Variants in FKBP1A observed in about 807,000 individuals in gnomAD.
The protein encoded by FKBP1A is FKBP prolyl isomerase 1A, also known as peptidyl-prolyl cis-trans isomerase FKBP1A.
A neutral mutation model predicts 14.2 loss-of-function variants in FKBP1A; 5 were observed. That is an observed-to-expected ratio of 0.35 (90% CI 0.18 to 0.74). The LOEUF (loss-of-function observed/expected upper bound fraction) is 0.74. FKBP1A is among the 30% of genes least tolerant of loss of function. The pLI is 0.56. For missense variants in FKBP1A, 53 were observed against 138.8 expected, an observed-to-expected ratio of 0.38 and a Z score of 3.10; for synonymous variants, 42 against 49.1, an observed-to-expected ratio of 0.86 and a Z score of 0.60.
chr20:1,380,892 A>C lies in FKBP1A; in HGVS notation c.86-5289T>G, dbSNP rs531544078. Among the ~76,000 whole-genome samples the C allele has an allele frequency of 1.5e-3, 230 of 152,348 alleles. 2 individuals carry two copies. Among genetic ancestry groups the C allele is most frequent in the African/African-American group, 5.2e-3 (218 of 41,574 alleles). On this transcript the variant is annotated intron_variant, in intron 2 of 4. Transcript: ENST00000400137. ...CTACAATGTCTGAGATGAAAATTAC[A>C]TTGGGCTGAAATGACAAAATATCCA... is the stretch of plus-strand genomic sequence containing the variant.
chr20:1,370,801 C>G (rs560971035), intron 4 of FKBP1A: 15 of 985,320 alleles, frequency 1.5e-5, no homozygotes, highest in Non-Finnish European at 1.6e-5. Flanking sequence ...AAGGCTCCCT[C>G]GAGTACAGTT....
rs539929288 is a variant in FKBP1A at position 1,386,866 on chromosome 20, C to A, written c.85+5968G>T. Among the ~76,000 whole-genome samples, 93 of 152,036 alleles carry A rather than the reference C, an allele frequency of 6.1e-4. No homozygotes were observed. Among genetic ancestry groups the A allele is most frequent in the Admixed American group, 1.9e-3 (29 of 15,270 alleles). On this transcript the variant is annotated intron_variant, in intron 2 of 4. Transcript: ENST00000400137. The surrounding 1 kb of genome is among the most constrained non-coding windows in gnomAD (Gnocchi z 4.7). ...TACACCTGGTCAAAATCAAAGGGGTCCAGGGGAGGGAATGCAGAGACTTGG... is the reference window on the plus strand; with the variant it reads ...TACACCTGGTCAAAATCAAAGGGGTACAGGGGAGGGAATGCAGAGACTTGG...
At chr20:1,374,102 C>A (rs1047699676) in intron 3 of FKBP1A, among the ~76,000 whole-genome samples, 1 of 152,216 alleles carries the variant, frequency 6.6e-6, no homozygotes, top group Non-Finnish European at 1.5e-5. Context: ...GGTTAAATTT[C>A]TAATTCTCCT....
At chr20:1,390,748 G>A (rs1436255186) in intron 2 of FKBP1A, among the ~76,000 whole-genome samples, 2 of 152,156 alleles carry the variant, frequency 1.3e-5, no homozygotes, top group African/African-American at 4.8e-5. Context: ...TGGTGACAAA[G>A]ACCCACGGGA....
intron 2 of FKBP1A, among the ~76,000 whole-genome samples, chr20:1,376,117 G>T (rs1044067782): frequency 6.6e-6 from 1 of 152,018 alleles, no homozygotes; most frequent in African/African-American, 2.4e-5. Flanking sequence ...ACCCCCATGG[G>T]CTCCTCTGTG....
chr20:1,374,779 A>C (rs917503382), intron 3 of FKBP1A: 2 of 152,468 alleles, frequency 1.3e-5, no homozygotes, highest in Admixed American at 1.3e-4. Context: ...TAGCCAAGTA[A>C]ATTATAGCAC....
chr20:1,372,744 A>G (rs2089485482), intron 3 of FKBP1A, among the ~76,000 whole-genome samples: 1 of 152,196 alleles, frequency 6.6e-6, no homozygotes, highest in Non-Finnish European at 1.5e-5. Flanking sequence ...GAAAACTTCA[A>G]AAAAGACAAT....
intron 2 of FKBP1A, among the ~76,000 whole-genome samples, chr20:1,384,977 T>G (rs763031024): frequency 6.6e-6 from 1 of 152,150 alleles, no homozygotes; most frequent in Non-Finnish European, 1.5e-5. Flanking sequence ...CCAACGGCAA[T>G]AAAAAGAACA....
intron 3 of FKBP1A, among the ~76,000 whole-genome samples, chr20:1,372,442 C>G (rs1481280157): frequency 6.6e-6 from 1 of 152,216 alleles, no homozygotes; most frequent in Non-Finnish European, 1.5e-5. Context: ...CATCTCACTC[C>G]AAGAAGCCCA....
At chr20:1,392,767 G>C (rs2089755583) in intron 2 of FKBP1A, 67 bp downstream of exon 2, 3 of 1,294,720 alleles carry the variant, frequency 2.3e-6, no homozygotes, top group Non-Finnish European at 3.0e-6. Flanking sequence ...CCCAGGCCTC[G>C]ACGGCCAGCC....
At chr20:1,370,149 T>C (rs1248848488) in intron 4 of FKBP1A, 77 bp from the exon 5 acceptor site, 1 of 1,520,786 alleles carries the variant, frequency 6.6e-7, no homozygotes. Flanking sequence ...CACGATGCCA[T>C]CTGCCACGCC....
intron 4 of FKBP1A, chr20:1,370,636 G>A (rs2089451477): frequency 1.0e-6 from 1 of 985,396 alleles, no homozygotes; most frequent in Non-Finnish European, 1.2e-6. Flanking sequence ...TTTGCCCTTG[G>A]ATTTTCCTTC....
At chr20:1,370,551 G>A (rs1254143308) in intron 4 of FKBP1A, 1 of 985,160 alleles carries the variant, frequency 1.0e-6, no homozygotes, top group African/African-American at 1.7e-5. Context: ...GAATAAACTG[G>A]TCATTCATAA....
rs183005812 is a variant in FKBP1A at position 1,369,756 on chromosome 20, T to C, written c.*353A>G. ...CCAACACCAATTCCTATTCTAATGT[T>C]AACCTACCACTTGTGCTGTTAATAC... On this transcript the variant is annotated 3_prime_UTR_variant, in exon 5 of 5. Coordinates refer to ENST00000400137, the MANE Select transcript of FKBP1A (RefSeq NM_000801.5). The C allele has an allele frequency of 2.6e-3, 716 of 272,808 alleles. 3 individuals are homozygous for C. The highest frequency in any genetic ancestry group is 0.014 in the African/African-American group (657 of 45,544). 16.9% of individuals were successfully genotyped at this position (272,808 alleles called of 1,614,324 possible). A position where few individuals can be genotyped will look rare whatever the true frequency, so the allele number is the denominator to read the frequency against.
At chr20:1,382,332 C>G (rs965189577) in intron 2 of FKBP1A, among the ~76,000 whole-genome samples, 3 of 152,212 alleles carry the variant, frequency 2.0e-5, no homozygotes, top group African/African-American at 7.2e-5. Flanking sequence ...AGCTGACAGT[C>G]TTTAAGCTCT....
intron 2 of FKBP1A, chr20:1,376,855 G>A (rs1438790665): frequency 3.9e-5 from 6 of 152,128 alleles, no homozygotes; most frequent in Admixed American, 3.9e-4. Flanking sequence ...GAACTCCAGA[G>A]ACGCTATGAG....
At chr20:1,380,625 C>T (rs895764198) in intron 2 of FKBP1A, among the ~76,000 whole-genome samples, 6 of 152,168 alleles carry the variant, frequency 3.9e-5, no homozygotes, top group East Asian at 1.9e-4. Flanking sequence ...AAACTGTTTC[C>T]GGGTAACTTA....
chr20:1,375,639 T>G (rs1479319544), intron 2 of FKBP1A, 36 bp from the exon 3 acceptor site: 2 of 1,430,514 alleles, frequency 1.4e-6, no homozygotes, highest in African/African-American at 1.4e-5. Flanking sequence ...AGCAGCAGAG[T>G]AATGACACAA....
intron 2 of FKBP1A, among the ~76,000 whole-genome samples, chr20:1,388,476 A>T (rs2089693386): frequency 6.6e-6 from 1 of 152,236 alleles, no homozygotes; most frequent in Admixed American, 6.5e-5. Context: ...GCTTCACAGC[A>T]GGCATCGTTA....
Sources: allele counts gnomAD v4.1 joint callset (sites outside exome capture counted in the v4.1 genomes callset), GRCh38; gene constraint gnomAD v4.1.1; non-coding constraint Gnocchi (gnomAD v3.1); transcripts MANE v1.5; gene names NCBI Gene and HGNC (gene_info 2026-07-23, HGNC 2026-07-21).